The following DOCK10 variants were observed in gnomAD, a reference collection of about 807,000 sequenced individuals.
DOCK10 encodes the protein dedicator of cytokinesis 10.
In DOCK10, 145 loss-of-function variants were observed where a neutral mutation model predicts 280.1. That is an observed-to-expected ratio of 0.52 (90% CI 0.45 to 0.59). The LOEUF is 0.59. Among genes scored for constraint, DOCK10 ranks in the 20% least tolerant of loss-of-function variants. The probability of loss-of-function intolerance (pLI) is 0.00; values close to 1 mark genes in which losing one functional copy is unlikely to be tolerated. For synonymous variants in DOCK10, 915 were observed against 942.2 expected, an observed-to-expected ratio of 0.97 and a Z score of 0.53; for missense variants, 2,368 against 2,651.7, an observed-to-expected ratio of 0.89 and a Z score of 2.35.
chr2:224,960,895 G>C, intron 1 of DOCK10, among the ~76,000 whole-genome samples: 1 of 151,650 alleles, frequency 6.6e-6, no homozygotes, highest in Non-Finnish European at 1.5e-5. Flanking sequence ...GCGCGCCACC[G>C]CGCCCGGCTA....
intron 2 of DOCK10, among the ~76,000 whole-genome samples, chr2:224,921,764 C>T (rs1164668209): frequency 6.6e-6 from 1 of 152,034 alleles, no homozygotes; most frequent in Non-Finnish European, 1.5e-5. Context: ...TGCTATTGAT[C>T]TTAGTTGTAT....
At chr2:224,796,126 A>G (rs1413458000) in intron 44 of DOCK10, among the ~76,000 whole-genome samples, 190 bp downstream of exon 44, 1 of 152,010 alleles carries the variant, frequency 6.6e-6, no homozygotes, top group East Asian at 1.9e-4. Context: ...TGGTGCCATC[A>G]TAGCTCACTG....
chr2:224,783,525 C>T (rs190116344), intron 50 of DOCK10, among the ~76,000 whole-genome samples: 6 of 152,178 alleles, frequency 3.9e-5, no homozygotes, highest in Admixed American at 6.5e-5. Context: ...CTGCCCACCT[C>T]GGCCTCCCAA....
intron 1 of DOCK10, among the ~76,000 whole-genome samples, chr2:224,942,462 C>G (rs996693892): frequency 3.0e-4 from 46 of 152,312 alleles, no homozygotes; most frequent in African/African-American, 1.0e-3. Context: ...TTTCATTGTT[C>G]CTAGAACCAA....
At position 224,805,109 on chromosome 2, in the gene DOCK10, T is replaced by C. The variant is rs1407731608; in HGVS notation, c.4067A>G (p.Tyr1356Cys). 3.7e-6 allele frequency: 6 copies of C among 1,611,582 alleles called. No homozygotes were observed. The highest frequency in any genetic ancestry group is 2.7e-5 in the African/African-American group (2 of 74,776). ...CTCTGGGCTGGGAGCTCTCTGCCAG[T>C]AGGCAATCAGAGTCTCTAAAAGGAA... ...KTISYETLIA[Y>C]WQRAPSPEVS... The change falls in exon 37 of 56, where the codon TAC (tyrosine) becomes TGC (cysteine). Residue 1356 changes from tyrosine (Y) to cysteine (C), a missense_variant. By Grantham distance (194) the Tyr-to-Cys change is radical (BLOSUM62 -2). Transcript: ENST00000258390. The surrounding 1 kb of genome is among the most constrained non-coding windows in gnomAD (Gnocchi z 4.3).
At chr2:224,912,955 G>A (rs1283421706) in intron 3 of DOCK10, among the ~76,000 whole-genome samples, 1 of 152,130 alleles carries the variant, frequency 6.6e-6, no homozygotes. Flanking sequence ...GAGCCCAGGA[G>A]GTGGGGGTTG....
intron 1 of DOCK10, among the ~76,000 whole-genome samples, chr2:225,035,542 TTATATATATATATATATATA>T (rs57424275): frequency 0.017 from 849 of 50,012 alleles, 45 homozygotes; most frequent in Non-Finnish European, 0.019. Context: ...ATGATATATA[TTATATATATATATATATATA>T]TATATATATA....
chr2:224,773,243 CCTT>C lies in DOCK10; in HGVS notation c.6115_6117del (p.Lys2039del). 10 of 1,613,978 alleles carry C rather than the reference CCTT, an allele frequency of 6.2e-6. No homozygotes were observed. Among genetic ancestry groups the C allele is most frequent in the Non-Finnish European group, 8.5e-6 (10 of 1,179,878 alleles). ...GTGCAAAGCTGATTAAGCTCAGAAA[CCTT>C]CTTGGACATCTCGTCAATTGCCACT... On this transcript the variant is annotated inframe_deletion, in exon 53 of 56. Coordinates refer to ENST00000258390, the MANE Select transcript of DOCK10 (RefSeq NM_014689.3).
chr2:224,827,611 C>A (rs951673370), intron 27 of DOCK10, among the ~76,000 whole-genome samples: 2 of 152,128 alleles, frequency 1.3e-5, no homozygotes, highest in Non-Finnish European at 2.9e-5. Context: ...GCGTCGTTTT[C>A]GTCAGCTAAC....
intron 30 of DOCK10, among the ~76,000 whole-genome samples, chr2:224,816,216 T>C (rs909617522): frequency 6.7e-6 from 1 of 148,630 alleles, no homozygotes; most frequent in Non-Finnish European, 1.5e-5. Flanking sequence ...CATATATATT[T>C]ATATATATAA....
chr2:224,936,715 G>A (rs1702714523), intron 1 of DOCK10, among the ~76,000 whole-genome samples: 2 of 152,014 alleles, frequency 1.3e-5, no homozygotes, highest in South Asian at 2.1e-4. Flanking sequence ...TTAGAGATAT[G>A]GGTCCTAATA....
intron 1 of DOCK10, among the ~76,000 whole-genome samples, chr2:225,020,822 TCA>T (rs140478459): frequency 2.6e-5 from 4 of 151,708 alleles, no homozygotes; most frequent in East Asian, 3.9e-4. Context: ...ATGTTGGGTT[TCA>T]CACACACACA....
At chr2:224,831,816 A>C (rs1342021285) in intron 26 of DOCK10, among the ~76,000 whole-genome samples, 1 of 152,150 alleles carries the variant, frequency 6.6e-6, no homozygotes, top group Non-Finnish European at 1.5e-5. Context: ...TGTCCTCTGG[A>C]GGTCCTGGAG....
At chr2:224,814,804 G>A (rs1028594436) in intron 30 of DOCK10, among the ~76,000 whole-genome samples, 2 of 152,192 alleles carry the variant, frequency 1.3e-5, no homozygotes, top group Admixed American at 1.3e-4. Flanking sequence ...TTACAGGCAT[G>A]AGCCACCACC....
At chr2:224,896,595 T>G (rs980201268) in intron 3 of DOCK10, among the ~76,000 whole-genome samples, 1 of 152,122 alleles carries the variant, frequency 6.6e-6, no homozygotes, top group African/African-American at 2.4e-5. Flanking sequence ...CGGGTGCCTG[T>G]AATCCCACCT....
intron 3 of DOCK10, among the ~76,000 whole-genome samples, chr2:224,905,321 C>G (rs1349263148): frequency 1.4e-5 from 2 of 146,122 alleles, no homozygotes; most frequent in African/African-American, 5.4e-5. Flanking sequence ...GATCTCGGCT[C>G]ACTGCAAGCT....
rs138491312 is a variant in DOCK10, at chr2:224,966,269, A to C, written c.124-34601T>G. On this transcript the variant is annotated intron_variant, in intron 1 of 55. Coordinates refer to ENST00000258390, the MANE Select transcript of DOCK10 (RefSeq NM_014689.3). ...TTAAAAATTATATCGGCAACTAGGA[A>C]AGCACAATTGGATGGTGCCCCACCC... is the stretch of plus-strand genomic sequence containing the variant. Among the ~76,000 whole-genome samples, 1,271 of 150,806 alleles carry C rather than the reference A, an allele frequency of 8.4e-3. 20 individuals carry two copies. The highest frequency in any genetic ancestry group is 0.027 in the African/African-American group (1,103 of 41,274).
chr2:224,843,326 G>A (rs927816921), intron 22 of DOCK10, among the ~76,000 whole-genome samples: 8 of 152,338 alleles, frequency 5.3e-5, no homozygotes, highest in African/African-American at 1.9e-4. Context: ...GGTAGAGAGA[G>A]GGTGTGTTGT....
At position 224,980,762 on chromosome 2, in the gene DOCK10, T is replaced by C. The variant is rs549118216; in HGVS notation, c.124-49094A>G. 6.1e-4 allele frequency among the ~76,000 whole-genome samples: 93 copies of C among 152,336 alleles called. 1 individual carries two copies. The highest frequency in any genetic ancestry group is 2.1e-3 in the African/African-American group (88 of 41,574). ...TTGCTCTAAGTGTGATTCGGGGAACTGGTATTTAGCAGCTGTGTAATGTTA... is the reference window on the plus strand; with the variant it reads ...TTGCTCTAAGTGTGATTCGGGGAACCGGTATTTAGCAGCTGTGTAATGTTA... On this transcript the variant is annotated intron_variant, in intron 1 of 55. Transcript: ENST00000258390.
Sources: allele counts gnomAD v4.1 joint callset (sites outside exome capture counted in the v4.1 genomes callset), GRCh38; gene constraint gnomAD v4.1.1; non-coding constraint Gnocchi (gnomAD v3.1); transcripts MANE v1.5; gene names NCBI Gene and HGNC (gene_info 2026-07-23, HGNC 2026-07-21).